Variants in USP54 observed in about 807,000 individuals in gnomAD.
The protein encoded by USP54 is ubiquitin carboxyl-terminal hydrolase 54.
Under a neutral mutation model 170.5 loss-of-function variants are expected in USP54, and 87 were observed. The ratio of observed to expected loss-of-function variants is 0.51; its 90% CI spans 0.43 to 0.61. The LOEUF (loss-of-function observed/expected upper bound fraction) is 0.61. USP54 is among the 20% of genes least tolerant of loss of function. The pLI is 0.00. For synonymous variants in USP54, 655 were observed against 742.8 expected (o/e 0.88, Z 1.92); for missense variants, 1,786 against 2,047.8 (o/e 0.87, Z 2.47).
upstream of USP54, among the ~76,000 whole-genome samples, chr10:73,592,471 CAAAA>C (rs367984467): frequency 1.5e-5 from 1 of 67,350 alleles, no homozygotes; most frequent in African/African-American, 4.7e-5. Flanking sequence ...GAAAGTGCCA[CAAAA>C]AAAAAAAAAA....
intron 5 of USP54, among the ~76,000 whole-genome samples, chr10:73,545,287 A>G (rs1183305618): frequency 6.6e-6 from 1 of 152,178 alleles, no homozygotes. Flanking sequence ...TATTTTAATG[A>G]GCCTTGGATC....
At position 73,541,616 on chromosome 10, in the gene USP54, C is replaced by A. The variant is rs185232678; in HGVS notation, c.678+17G>T. 1.5e-4 allele frequency: 248 copies of A among 1,613,978 alleles called. No individual in the cohort carries two copies. Among genetic ancestry groups the A allele is most frequent in the Non-Finnish European group, 1.7e-4 (202 of 1,179,888 alleles). On this transcript the variant is annotated intron_variant, in intron 8 of 23. Transcript: ENST00000687698. ...GTTCCCTTTCCCACTCCAAACCCCA[C>A]CCCTGATTTAACTCACTGGACAGTT...
At position 73,534,677 on chromosome 10, in the gene USP54, T is replaced by G. The variant is rs770773166; in HGVS notation, c.1238A>C (p.His413Pro). ...TGTCCCCTGAGAATCAGAAGAGAAG[T>G]GACTGACCACAGACTCATGGTGGGA... ...KHSHHESVVS[H>P]FSSDSQGTVI... is the part of the protein sequence containing the mutation. Residue 413 changes from histidine (H) to proline (P), a missense_variant, in exon 12 of 24, where the codon CAC (histidine) becomes CCC (proline). His to Pro is a moderately conservative substitution (Grantham distance 77). Around this residue, in one of 3 missense-constraint regions of USP54, gnomAD observed 1,418 missense variants for 1,569.0 expected, o/e 0.90. Transcript: ENST00000687698. 3.1e-6 allele frequency: 5 copies of G among 1,614,036 alleles called. No individual in the cohort carries two copies. Among genetic ancestry groups the G allele is most frequent in the Admixed American group, 1.7e-5 (1 of 60,002 alleles).
Position 73,526,649 on chromosome 10 carries a change from G to C in USP54, c.2192C>G (p.Ser731Cys). 6.2e-7 allele frequency: 1 copy of C among 1,613,876 alleles called. No individual in the cohort carries two copies. Among genetic ancestry groups the C allele is most frequent in the South Asian group, 1.1e-5 (1 of 91,006 alleles). ...MGGWTKSQPF[S>C]GEEISSKSEL... Reference sequence around the variant, plus strand: ...AAATTCAGTGTCATTCTGCTTACCAGAGAAAGGCTGACTCTTTGTCCAGCC... The same window carrying C: ...AAATTCAGTGTCATTCTGCTTACCACAGAAAGGCTGACTCTTTGTCCAGCC... The change falls in exon 16 of 24, where the codon TCT (serine) becomes TGT (cysteine). Residue 731 changes from serine (S) to cysteine (C), a missense_variant and splice_region_variant. This residue lies in a region of USP54 where 1,418 missense variants were observed against 1,569.0 expected (regional missense o/e 0.90). Coordinates refer to ENST00000687698, the MANE Select transcript of USP54 (RefSeq NM_001391956.1).
chr10:73,558,406 A>G (rs916195756), intron 4 of USP54, among the ~76,000 whole-genome samples: 11 of 152,244 alleles, frequency 7.2e-5, no homozygotes, highest in Admixed American at 1.3e-4. Context: ...CAAAGTGATT[A>G]TAAGTACTGG....
rs747432821 is a variant in USP54, at chr10:73,542,722, C to A, written c.572+81G>T. 3 of 1,409,362 alleles carry A rather than the reference C, an allele frequency of 2.1e-6. No homozygotes were observed. The South Asian group carries it at 3.6e-5, about 17-fold the overall frequency. The allele number at this position is 1,409,362 out of a possible 1,614,324, so 87.3% of individuals were successfully genotyped here. On this transcript the variant is annotated intron_variant, in intron 7 of 23. Coordinates refer to ENST00000687698, the MANE Select transcript of USP54 (RefSeq NM_001391956.1). ...CTGCAGCCTGGGCAACAGAGCGAGACTCTGTCTCAAAAAAAAAAAAAAAAG... is the reference window on the plus strand; with the variant it reads ...CTGCAGCCTGGGCAACAGAGCGAGAATCTGTCTCAAAAAAAAAAAAAAAAG...
chr10:73,611,609 G>C (rs1489264263), intron 1 of USP54: 2 of 150,680 alleles, frequency 1.3e-5, no homozygotes. Context: ...TGGTCGACAT[G>C]GTGAAACCCC....
rs773580859 is a variant in USP54 at position 73,519,935 on chromosome 10, A to G, written c.2540T>C (p.Val847Ala). ...ASCSTHSRAL[V>A]DKKLQISIRK... is the part of the protein sequence containing the mutation. The stretch of plus-strand genomic sequence containing the variant: ...AATACTGATTTGCAACTTCTTATCG[A>G]CTAGGGCTCTGCTGTGCGTGCTACA... The change falls in exon 19 of 24, where the codon GTC (valine) becomes GCC (alanine). Residue 847 changes from valine (V) to alanine (A), a missense_variant. By Grantham distance (64) the Val-to-Ala change is moderately conservative. Transcript: ENST00000687698. 2 of 1,613,870 alleles carry G rather than the reference A, an allele frequency of 1.2e-6. No individual in the cohort carries two copies. The highest frequency in any genetic ancestry group is 1.7e-6 in the Non-Finnish European group (2 of 1,179,874).
In USP54 at chr10:73,543,253, A is replaced by T. The variant is rs893015288; in HGVS notation, c.376-122T>A. On this transcript the variant is annotated intron_variant, in intron 5 of 23. Coordinates refer to ENST00000687698, the MANE Select transcript of USP54 (RefSeq NM_001391956.1). The stretch of plus-strand genomic sequence containing the variant: ...GGAAGGTAGGAATATTTTGATTTTT[A>T]AAAATTTTTAGTTTAAAAAAATTAT... 9 of 689,810 alleles carry T rather than the reference A, an allele frequency of 1.3e-5. No homozygotes were observed. In the Admixed American group the frequency reaches 1.4e-4, roughly 11 times the overall value. The allele number at this position is 689,810 out of a possible 1,614,324, so 42.7% of individuals were successfully genotyped here.
chr10:73,587,632 TCAGCTCCACCATCTAA>T (rs1011185676), intron 1 of USP54, among the ~76,000 whole-genome samples: 1 of 152,196 alleles, frequency 6.6e-6, no homozygotes, highest in African/African-American at 2.4e-5. Context: ...AGAACAGGTC[TCAGCTCCACCATCTAA>T]CAGCTGTGGC....
chr10:73,553,299 C>CTTA (rs1274783062), intron 4 of USP54: 1 of 152,176 alleles, frequency 6.6e-6, no homozygotes, highest in Admixed American at 6.5e-5. Context: ...TCTTTATTCT[C>CTTA]TTATTTTAAT....
chr10:73,599,804 C>T (rs2079019837), intron 1 of USP54, among the ~76,000 whole-genome samples: 1 of 151,848 alleles, frequency 6.6e-6, no homozygotes, highest in Non-Finnish European at 1.5e-5. Context: ...TACCACTATC[C>T]CATTTTACAG....
intron 20 of USP54, among the ~76,000 whole-genome samples, chr10:73,508,860 G>C (rs1402577567): frequency 1.3e-5 from 2 of 151,520 alleles, no homozygotes; most frequent in Non-Finnish European, 2.9e-5. Flanking sequence ...TGGAGACGGG[G>C]TTTCACCATG....
At chr10:73,603,335 CA>C (rs1448116451) in intron 1 of USP54, among the ~76,000 whole-genome samples, 2 of 151,998 alleles carry the variant, frequency 1.3e-5, no homozygotes, top group African/African-American at 4.8e-5. Context: ...AACTGTGAAT[CA>C]AAGGAAAAGA....
At chr10:73,621,477 G>A (rs186631252) in intron 1 of USP54, among the ~76,000 whole-genome samples, 77 of 151,424 alleles carry the variant, frequency 5.1e-4, no homozygotes, top group Non-Finnish European at 2.7e-4. Flanking sequence ...GCGGGCACCT[G>A]TAATCCCAGC....
chr10:73,530,699 C>T lies in USP54; in HGVS notation c.1447+5G>A. 1 of 1,614,016 alleles carries T rather than the reference C, an allele frequency of 6.2e-7. No homozygotes were observed. Among genetic ancestry groups the T allele is most frequent in the Non-Finnish European group, 8.5e-7 (1 of 1,179,972 alleles). ...GAGAAAGAGAAGCAGTGCAGAAGGG[C>T]TTGCCTTCACTGTGGTATCCCGAGG... On this transcript the variant is annotated splice_donor_5th_base_variant and intron_variant, in intron 13 of 23. Coordinates refer to ENST00000687698, the MANE Select transcript of USP54 (RefSeq NM_001391956.1).
intron 1 of USP54, among the ~76,000 whole-genome samples, chr10:73,586,100 C>A (rs1207515138): frequency 6.6e-6 from 1 of 152,204 alleles, no homozygotes; most frequent in African/African-American, 2.4e-5. Flanking sequence ...ACCTTACCAC[C>A]ATTTCCAGCT....
At chr10:73,552,399 T>G (rs1364971558) in intron 4 of USP54, among the ~76,000 whole-genome samples, 1 of 141,946 alleles carries the variant, frequency 7.0e-6, no homozygotes, top group Non-Finnish European at 1.5e-5. Flanking sequence ...GGTGATAGAG[T>G]GAGGCTCCAT....
At position 73,536,296 on chromosome 10, in the gene USP54, TGCTGTATGACTGGAACTCA is replaced by T. The variant is rs1437138737; in HGVS notation, c.1098_1116del (p.Glu367GlyfsTer69). 1 of 1,614,182 alleles carries T rather than the reference TGCTGTATGACTGGAACTCA, an allele frequency of 6.2e-7. No homozygotes were observed. The highest frequency in any genetic ancestry group is 8.5e-7 in the Non-Finnish European group (1 of 1,180,018). ...GAATCTTCACTGTCGTAGCATGTCC[TGCTGTATGACTGGAACTCA>T]GCTTGGGGAGGCAGGTCCTGGGTGG... On this transcript the variant is annotated frameshift_variant, in exon 11 of 24. Transcript: ENST00000687698. LOFTEE classifies it high-confidence loss of function.
Sources: gnomAD v4.1 joint callset for allele counts (sites outside exome capture counted in the v4.1 genomes callset) on GRCh38, gnomAD v4.1.1 for gene constraint, gnomAD v4.1.1 regional missense constraint, MANE v1.5 for transcripts, NCBI Gene and HGNC (gene_info 2026-07-23, HGNC 2026-07-21) for gene names.